SYNRG: variants seen among roughly 807,000 people sequenced by gnomAD.
SYNRG encodes AP1 gamma subunit binding protein 1.
SYNRG carries 37 observed loss-of-function variants against 130.9 expected under a neutral mutation model. The ratio of observed to expected loss-of-function variants is 0.28; its 90% CI spans 0.22 to 0.37. SYNRG has a LOEUF of 0.37. Among genes scored for constraint, SYNRG ranks in the 10% least tolerant of loss-of-function variants. The pLI is 1.00. For missense variants in SYNRG, 1,338 were observed against 1,588.9 expected, an observed-to-expected ratio of 0.84 and a Z score of 2.68; for synonymous variants, 539 against 568.1, an observed-to-expected ratio of 0.95 and a Z score of 0.73.
In SYNRG at chr17:37,518,603, C is replaced by T. The variant is rs979384114; in HGVS notation, c.*337G>A. 2.4e-5 allele frequency: 6 copies of T among 246,756 alleles called. No homozygotes were observed. The Admixed American group carries it at 2.5e-4, about 10-fold the overall frequency. 15.3% of individuals were successfully genotyped at this position (246,756 alleles called of 1,614,324 possible). The stretch of plus-strand genomic sequence containing the variant: ...GCAGTCGCCCATTCTAGTCCCGCAA[C>T]GGTAATCTATTTTTCTTCAAATGTC... On this transcript the variant is annotated 3_prime_UTR_variant, in exon 22 of 22. Coordinates refer to ENST00000612223, the MANE Select transcript of SYNRG (RefSeq NM_007247.6).
At chr17:37,571,364 T>C (rs1397776936) in intron 9 of SYNRG, among the ~76,000 whole-genome samples, 1 of 152,092 alleles carries the variant, frequency 6.6e-6, no homozygotes, top group Admixed American at 6.6e-5. Flanking sequence ...GGTGGATCAC[T>C]TGAGGTCAGG....
intron 1 of SYNRG, among the ~76,000 whole-genome samples, chr17:37,607,973 A>AAAAAAAAAAAG (rs2063941501): frequency 7.2e-6 from 1 of 139,170 alleles, no homozygotes; most frequent in Non-Finnish European, 1.6e-5. Flanking sequence ...AAAAAAAAAA[A>AAAAAAAAAAAG]AAAAAAACAA....
intron 2 of SYNRG, 81 bp downstream of exon 2, chr17:37,600,282 T>A: frequency 3.1e-6 from 4 of 1,305,128 alleles, no homozygotes; most frequent in Non-Finnish European, 4.1e-6. Context: ...ACAGAACTTA[T>A]TTTCTATTTA....
chr17:37,587,405 C>T (rs546316630), intron 3 of SYNRG, among the ~76,000 whole-genome samples: 1 of 152,334 alleles, frequency 6.6e-6, no homozygotes, highest in Non-Finnish European at 1.5e-5. Context: ...AACCTTCTCC[C>T]TGAAAAGTTC....
intron 13 of SYNRG, among the ~76,000 whole-genome samples, chr17:37,555,850 G>A (rs2059079213): frequency 6.6e-6 from 1 of 152,122 alleles, no homozygotes. Flanking sequence ...AGCTTGCAGT[G>A]AGCCAAGATC....
At chr17:37,581,274 CTAT>C (rs34565960) in intron 6 of SYNRG, among the ~76,000 whole-genome samples, 13 of 149,488 alleles carry the variant, frequency 8.7e-5, no homozygotes, top group Non-Finnish European at 7.4e-5. Flanking sequence ...ATTATTATTA[CTAT>C]TATTATTATT....
In SYNRG at chr17:37,520,216, T is replaced by C; in HGVS notation, c.3778-2A>G. ...TTCTTCTGCAGGCTTCTCTTCTTTC[T>C]GAAATAACGTTGAAACCACAGGTCA... On this transcript the variant is annotated splice_acceptor_variant, in intron 20 of 21. Transcript: ENST00000612223. LOFTEE classifies it high-confidence loss of function. 6.2e-7 allele frequency: 1 copy of C among 1,614,240 alleles called. No individual in the cohort carries two copies. Among genetic ancestry groups the C allele is most frequent in the Non-Finnish European group, 8.5e-7 (1 of 1,180,038 alleles).
rs745384868 is a variant in SYNRG, at chr17:37,542,475, T to C, written c.2699A>G (p.Asp900Gly). ...GAGTTTTCTGCCCTGAGTTGCATCATCCCTGTCTGACCAGTCATAGCTTGT... is the reference window on the plus strand; with the variant it reads ...GAGTTTTCTGCCCTGAGTTGCATCACCCCTGTCTGACCAGTCATAGCTTGT... ...TLTSYDWSDR[D>G]DATQGRKLSP... Residue 900 changes from aspartate (D) to glycine (G), a missense_variant, in exon 15 of 22, where the codon GAT (aspartate) becomes GGT (glycine). Transcript: ENST00000612223. 15 of 1,613,866 alleles carry C rather than the reference T, an allele frequency of 9.3e-6. No individual in the cohort carries two copies. The African/African-American group carries it at 1.5e-4, about 16-fold the overall frequency.
chr17:37,550,660 A>T (rs1359296929), intron 14 of SYNRG, among the ~76,000 whole-genome samples: 1 of 151,940 alleles, frequency 6.6e-6, no homozygotes, highest in Non-Finnish European at 1.5e-5. Flanking sequence ...TCACACAGAA[A>T]ATGTCTAAAT....
intron 6 of SYNRG, among the ~76,000 whole-genome samples, chr17:37,580,446 T>A (rs984807136): frequency 1.3e-5 from 2 of 151,166 alleles, no homozygotes; most frequent in Non-Finnish European, 2.9e-5. Context: ...ACTACAGGTA[T>A]GCACCGCCAT....
At chr17:37,579,341 A>C in intron 6 of SYNRG, 1 of 1,304,332 alleles carries the variant, frequency 7.7e-7, no homozygotes, top group East Asian at 5.5e-5. Flanking sequence ...GGGAACTTCA[A>C]CAGGCCCCTG....
chr17:37,577,678 A>T, intron 6 of SYNRG, 65 bp from the exon 7 acceptor site: 2 of 1,195,416 alleles, frequency 1.7e-6, no homozygotes, highest in African/African-American at 1.6e-5. Flanking sequence ...TTAACCATCC[A>T]TCTCCACCCC....
At chr17:37,599,238 A>G (rs2063050162) in intron 2 of SYNRG, among the ~76,000 whole-genome samples, 2 of 152,352 alleles carry the variant, frequency 1.3e-5, no homozygotes, top group South Asian at 2.1e-4. Context: ...GAAAGAAATG[A>G]GCGGAAAGAA....
chr17:37,548,825 T>TAA (rs549765253), intron 14 of SYNRG, among the ~76,000 whole-genome samples: 82 of 100,968 alleles, frequency 8.1e-4, no homozygotes, highest in African/African-American at 2.7e-3. Context: ...AACTCTGTCT[T>TAA]AAAAAAAAAA....
At chr17:37,550,510 T>C (rs561464209) in intron 14 of SYNRG, among the ~76,000 whole-genome samples, 1 of 152,156 alleles carries the variant, frequency 6.6e-6, no homozygotes, top group South Asian at 2.1e-4. Context: ...TTTCAAAATA[T>C]GCCAAAGAAT....
At chr17:37,541,034 C>G in intron 15 of SYNRG, 2 of 986,278 alleles carry the variant, frequency 2.0e-6, no homozygotes, top group Middle Eastern at 5.2e-4. Flanking sequence ...TTCTACTGTT[C>G]TCTCTTGCAC....
At chr17:37,587,790 A>G (rs1343579697) in intron 3 of SYNRG, among the ~76,000 whole-genome samples, 1 of 152,170 alleles carries the variant, frequency 6.6e-6, no homozygotes, top group Non-Finnish European at 1.5e-5. Flanking sequence ...CATGCCCAAC[A>G]TACAATTCCA....
intron 3 of SYNRG, among the ~76,000 whole-genome samples, chr17:37,589,688 G>A (rs2061988878): frequency 6.6e-6 from 1 of 151,976 alleles, no homozygotes; most frequent in Admixed American, 6.6e-5. Flanking sequence ...GGCAGAGCAT[G>A]CAGTGAGCCA....
rs745787173 is a variant in SYNRG at position 37,520,528 on chromosome 17, C to T, written c.3777+10G>A. 3.7e-6 allele frequency: 6 copies of T among 1,612,918 alleles called. No individual in the cohort carries two copies. Among genetic ancestry groups the T allele is most frequent in the African/African-American group, 2.7e-5 (2 of 74,962 alleles). ...CCCTTTGCTGTCTGCAAGGAGGCTG[C>T]GTGACTTACCCGGCTCCTCGAGTCC... On this transcript the variant is annotated intron_variant, in intron 20 of 21. Transcript: ENST00000612223.
Sources: gnomAD v4.1 joint callset for allele counts (sites outside exome capture counted in the v4.1 genomes callset) on GRCh38, gnomAD v4.1.1 for gene constraint, MANE v1.5 for transcripts, NCBI Gene and HGNC (gene_info 2026-07-23, HGNC 2026-07-21) for gene names.